Variants in WASHC3 observed in about 807,000 individuals in gnomAD.
WASHC3 encodes WASH complex subunit 3.
Under a neutral mutation model 26.1 loss-of-function variants are expected in WASHC3, and 24 were observed. The observed-to-expected ratio is 0.92, with a 90% CI of 0.66 to 1.29. The LOEUF (loss-of-function observed/expected upper bound fraction) is 1.29, where lower values mean the gene tolerates loss of function less well. Among genes scored for constraint, WASHC3 ranks in the 50% most tolerant of loss-of-function variants. The pLI, the probability that WASHC3 is intolerant of heterozygous loss-of-function variation, is 0.00. For synonymous variants in WASHC3, 77 were observed against 75.7 expected, an observed-to-expected ratio of 1.02 and a Z score of -0.09; for missense variants, 214 against 229.6, an observed-to-expected ratio of 0.93 and a Z score of 0.44.
intron 2 of WASHC3, among the ~76,000 whole-genome samples, chr12:102,052,823 C>T (rs542417800): frequency 6.6e-6 from 1 of 151,902 alleles, no homozygotes; most frequent in East Asian, 1.9e-4. Context: ...ACTCAAGTTC[C>T]AGGCTAGCCA....
intron 5 of WASHC3, among the ~76,000 whole-genome samples, chr12:102,038,090 C>T (rs1406149750): frequency 1.3e-5 from 2 of 152,084 alleles, no homozygotes; most frequent in African/African-American, 4.8e-5. Flanking sequence ...CCACCATGCC[C>T]GGCCCGGGTC....
intron 2 of WASHC3, among the ~76,000 whole-genome samples, chr12:102,055,872 G>GT (rs1169194332): frequency 6.6e-6 from 1 of 151,942 alleles, no homozygotes; most frequent in Non-Finnish European, 1.5e-5. Flanking sequence ...ATTTAAAATA[G>GT]TTTTTTTTAA....
At chr12:102,044,296 A>G in intron 3 of WASHC3, 84 bp from the exon 4 acceptor site, 1 of 547,608 alleles carries the variant, frequency 1.8e-6, no homozygotes, top group South Asian at 3.4e-5. Flanking sequence ...TTAAGTTTTA[A>G]GGCTATACAA....
At chr12:102,030,843 ACTC>A (rs772151582) in intron 5 of WASHC3, among the ~76,000 whole-genome samples, 1 of 152,228 alleles carries the variant, frequency 6.6e-6, no homozygotes, top group East Asian at 1.9e-4. Context: ...TACTTCCTTC[ACTC>A]TTCTAGCTTT....
At chr12:102,050,474 A>ACACACACACACG (rs1365494657) in intron 2 of WASHC3, 1 of 419,512 alleles carries the variant, frequency 2.4e-6, no homozygotes, top group African/African-American at 2.0e-5. Context: ...ACACACACAC[A>ACACACACACACG]CACACACACA....
intron 4 of WASHC3, 70 bp downstream of exon 4, chr12:102,044,035 C>T: frequency 3.2e-6 from 2 of 622,390 alleles, no homozygotes; most frequent in Non-Finnish European, 2.7e-6. Context: ...ATTTTTCTTC[C>T]TTCCAACCTG....
At chr12:102,031,524 A>C (rs1877438049) in intron 5 of WASHC3, among the ~76,000 whole-genome samples, 1 of 152,198 alleles carries the variant, frequency 6.6e-6, no homozygotes, top group South Asian at 2.1e-4. Context: ...TTTTTACTTA[A>C]AATTTTCAAA....
chr12:102,017,178 T>C (rs931139891), intron 6 of WASHC3, among the ~76,000 whole-genome samples: 11 of 152,240 alleles, frequency 7.2e-5, no homozygotes, highest in South Asian at 2.1e-4. Context: ...TGTGTTACAA[T>C]TGCCTACAGT....
chr12:102,030,759 A>G (rs1343329734), intron 5 of WASHC3, among the ~76,000 whole-genome samples: 1 of 152,196 alleles, frequency 6.6e-6, no homozygotes, highest in Non-Finnish European at 1.5e-5. Context: ...TGAGGGAGGC[A>G]TATATAGTAT....
At chr12:102,056,175 T>G (rs1272292100) in intron 2 of WASHC3, among the ~76,000 whole-genome samples, 1 of 152,022 alleles carries the variant, frequency 6.6e-6, no homozygotes, top group Non-Finnish European at 1.5e-5. Flanking sequence ...TCTTAAATAT[T>G]ACTGTTGAGG....
chr12:102,058,625 A>G (rs1287000903), intron 2 of WASHC3, among the ~76,000 whole-genome samples: 3 of 152,144 alleles, frequency 2.0e-5, no homozygotes, highest in East Asian at 1.9e-4. Context: ...TAGTACAGCT[A>G]TTATAGAAAA....
chr12:102,018,505 T>C (rs1276312531), intron 6 of WASHC3, among the ~76,000 whole-genome samples: 1 of 152,198 alleles, frequency 6.6e-6, no homozygotes, highest in African/African-American at 2.4e-5. Context: ...CAAGGTCTCA[T>C]TCTGTTGCCC....
chr12:102,039,801 AAAACC>A, intron 5 of WASHC3, 62 bp downstream of exon 5: 1 of 664,486 alleles, frequency 1.5e-6, no homozygotes, highest in Non-Finnish European at 2.6e-6. Flanking sequence ...AAATAACAGT[AAAACC>A]TCCAGGGTTA....
chr12:102,023,902 C>T (rs1397882839), intron 6 of WASHC3, among the ~76,000 whole-genome samples: 4 of 152,126 alleles, frequency 2.6e-5, no homozygotes, highest in Non-Finnish European at 5.9e-5. Context: ...GAAATACCCT[C>T]AAACTGGCCA....
At chr12:102,029,883 T>C (rs1877359595) in intron 5 of WASHC3, among the ~76,000 whole-genome samples, 3 of 152,202 alleles carry the variant, frequency 2.0e-5, no homozygotes, top group South Asian at 2.1e-4. Flanking sequence ...GAAAAAACGC[T>C]ACGGGTTGTT....
intron 2 of WASHC3, 43 bp downstream of exon 2, chr12:102,061,205 G>A: frequency 7.8e-7 from 1 of 1,289,420 alleles, no homozygotes; most frequent in Non-Finnish European, 1.1e-6. Context: ...GCAGTGAAAG[G>A]TGATTTCCAG....
chr12:102,023,114 T>C lies in WASHC3; in HGVS notation c.500+2860A>G, dbSNP rs539935318. Among the ~76,000 whole-genome samples the C allele has an allele frequency of 3.0e-3, 455 of 152,292 alleles. 5 individuals carry two copies. The highest frequency in any genetic ancestry group is 0.01 in the Middle Eastern group (3 of 294). ...TATTTATTTAGTAATTATCAGGCATTTTCTACAGTTTTATAGAATTCCTAA... is the reference window on the plus strand; with the variant it reads ...TATTTATTTAGTAATTATCAGGCATCTTCTACAGTTTTATAGAATTCCTAA... On this transcript the variant is annotated intron_variant, in intron 6 of 6. Coordinates refer to ENST00000240079, the MANE Select transcript of WASHC3 (RefSeq NM_016053.4).
At chr12:102,034,672 T>C (rs1877576482) in intron 5 of WASHC3, among the ~76,000 whole-genome samples, 1 of 151,866 alleles carries the variant, frequency 6.6e-6, no homozygotes, top group Admixed American at 6.6e-5. Flanking sequence ...ATTTTAAGAC[T>C]AGACCTACGA....
intron 5 of WASHC3, among the ~76,000 whole-genome samples, chr12:102,030,751 A>T (rs1877399585): frequency 6.6e-6 from 1 of 152,204 alleles, no homozygotes; most frequent in Non-Finnish European, 1.5e-5. Context: ...ATGAGAATTG[A>T]GGGAGGCATA....
Sources: gnomAD v4.1 joint callset for allele counts (sites outside exome capture counted in the v4.1 genomes callset) on GRCh38, gnomAD v4.1.1 for gene constraint, MANE v1.5 for transcripts, NCBI Gene and HGNC (gene_info 2026-07-23, HGNC 2026-07-21) for gene names.